The following ZNRF1 variants were observed in gnomAD, a reference collection of about 807,000 sequenced individuals.
The protein encoded by ZNRF1 is zinc and ring finger 1.
A neutral mutation model predicts 18.4 loss-of-function variants in ZNRF1; 3 were observed. That is an observed-to-expected ratio of 0.16 (90% CI 0.07 to 0.42). The LOEUF (loss-of-function observed/expected upper bound fraction) is 0.42, where lower values mean the gene tolerates loss of function less well. ZNRF1 is among the 10% of genes least tolerant of loss of function. The pLI, the probability that ZNRF1 is intolerant of heterozygous loss-of-function variation, is 0.99. For missense variants in ZNRF1, 310 were observed against 329.8 expected, an observed-to-expected ratio of 0.94 and a Z score of 0.47; for synonymous variants, 157 against 144.2, an observed-to-expected ratio of 1.09 and a Z score of -0.64.
intron 1 of ZNRF1, among the ~76,000 whole-genome samples, chr16:75,078,569 G>A (rs1393473367): frequency 6.6e-6 from 1 of 152,154 alleles, no homozygotes; most frequent in Non-Finnish European, 1.5e-5. Flanking sequence ...AAAGTGCTGG[G>A]ATTACAGGCG....
At chr16:75,076,990 T>C (rs1426983271) in intron 1 of ZNRF1, among the ~76,000 whole-genome samples, 1 of 152,066 alleles carries the variant, frequency 6.6e-6, no homozygotes, top group African/African-American at 2.4e-5. Context: ...AAATGTTTAT[T>C]GTTTAAGCCG....
chr16:75,081,419 G>T (rs1308868143), intron 1 of ZNRF1, among the ~76,000 whole-genome samples: 1 of 152,176 alleles, frequency 6.6e-6, no homozygotes, highest in African/African-American at 2.4e-5. Flanking sequence ...AGTGGTAACT[G>T]CCTGTTTTAC....
chr16:75,107,600 G>A (rs547070061), intron 4 of ZNRF1, 133 bp from the exon 5 acceptor site: 50 of 415,598 alleles, frequency 1.2e-4, no homozygotes, highest in South Asian at 5.7e-4. Context: ...CAAATTCCCC[G>A]TGTGCTGTTT....
At chr16:75,068,273 A>G in intron 1 of ZNRF1, among the ~76,000 whole-genome samples, 1 of 149,226 alleles carries the variant, frequency 6.7e-6, no homozygotes. Context: ...CTGAGATGGG[A>G]GGATTGCTTA....
chr16:75,100,533 A>G (rs2036244088), intron 2 of ZNRF1, among the ~76,000 whole-genome samples: 2 of 152,202 alleles, frequency 1.3e-5, no homozygotes. Context: ...GAGGGAGACC[A>G]CATGTGCCCT....
intron 1 of ZNRF1, among the ~76,000 whole-genome samples, chr16:75,065,739 A>G (rs1477345824): frequency 6.6e-6 from 1 of 152,154 alleles, no homozygotes; most frequent in Admixed American, 6.5e-5. Context: ...CTTCGTGTCT[A>G]TAACTTGCTT....
chr16:75,068,096 G>A (rs1317037278), intron 1 of ZNRF1, among the ~76,000 whole-genome samples: 1 of 149,124 alleles, frequency 6.7e-6, no homozygotes, highest in Non-Finnish European at 1.5e-5. Context: ...GCTCATGCCT[G>A]TAATCCAAGC....
chr16:75,022,868 G>A (rs1367534529), intron 1 of ZNRF1, among the ~76,000 whole-genome samples: 2 of 152,190 alleles, frequency 1.3e-5, no homozygotes, highest in Non-Finnish European at 2.9e-5. Context: ...GAGAGTCTAG[G>A]AGGTTCTCTT....
At chr16:75,047,813 C>G (rs915016935) in intron 1 of ZNRF1, among the ~76,000 whole-genome samples, 1 of 152,138 alleles carries the variant, frequency 6.6e-6, no homozygotes, top group Admixed American at 6.6e-5. Flanking sequence ...TCTCACAGTT[C>G]TAGAGGCATG....
chr16:75,081,574 A>G (rs764511157), intron 1 of ZNRF1, among the ~76,000 whole-genome samples: 1 of 152,232 alleles, frequency 6.6e-6, no homozygotes, highest in African/African-American at 2.4e-5. Flanking sequence ...CCCAAACGCT[A>G]GAAGTCCACA....
intron 1 of ZNRF1, among the ~76,000 whole-genome samples, chr16:75,080,374 T>C (rs1398647444): frequency 6.6e-6 from 1 of 152,142 alleles, no homozygotes; most frequent in African/African-American, 2.4e-5. Flanking sequence ...AGGCAAATGG[T>C]TTTATTCCAT....
intron 1 of ZNRF1, among the ~76,000 whole-genome samples, chr16:75,069,351 C>G (rs2035841945): frequency 1.3e-5 from 2 of 152,164 alleles, no homozygotes; most frequent in Admixed American, 6.5e-5. Flanking sequence ...ACTCTGTTCC[C>G]TTAAATGGTT....
At chr16:75,088,496 G>A (rs1284036971) in intron 1 of ZNRF1, among the ~76,000 whole-genome samples, 1 of 152,222 alleles carries the variant, frequency 6.6e-6, no homozygotes, top group African/African-American at 2.4e-5. Context: ...GGACTATGGG[G>A]CACTTAAGGA....
At chr16:75,060,401 G>A (rs2035726714) in intron 1 of ZNRF1, among the ~76,000 whole-genome samples, 2 of 151,012 alleles carry the variant, frequency 1.3e-5, no homozygotes, top group South Asian at 4.2e-4. Flanking sequence ...CAGGAGCAGG[G>A]AAATATATCC....
intron 1 of ZNRF1, among the ~76,000 whole-genome samples, chr16:75,047,487 G>A (rs2035530731): frequency 6.6e-6 from 1 of 152,208 alleles, no homozygotes; most frequent in Non-Finnish European, 1.5e-5. Context: ...CATAGCAAGG[G>A]GCAGTTAACT....
At chr16:75,022,580 AC>A (rs1028064710) in intron 1 of ZNRF1, among the ~76,000 whole-genome samples, 2 of 152,092 alleles carry the variant, frequency 1.3e-5, no homozygotes, top group African/African-American at 4.8e-5. Flanking sequence ...AAAAAACAAA[AC>A]AAAAAACACA....
chr16:75,065,430 T>A (rs1191684622), intron 1 of ZNRF1, among the ~76,000 whole-genome samples: 1 of 152,212 alleles, frequency 6.6e-6, no homozygotes, highest in South Asian at 2.1e-4. Context: ...TACACCTTTG[T>A]AGTAGCAGTG....
intron 1 of ZNRF1, among the ~76,000 whole-genome samples, chr16:75,068,537 G>C (rs1234800481): frequency 6.6e-6 from 1 of 152,018 alleles, no homozygotes; most frequent in Non-Finnish European, 1.5e-5. Context: ...TACTTGATTG[G>C]TTTTGCCTAT....
Position 75,093,590 on chromosome 16 carries a change from G to C in ZNRF1, c.443G>C (p.Cys148Ser), listed in dbSNP as rs1369067965. ...SSHSGFKCPI[C>S]SKSVASDEME... is the part of the protein sequence containing the mutation. ...CTTTCAGGTTTCAAGTGCCCCATTTGCTCCAAGTCTGTGGCTTCTGACGAG... is the reference window on the plus strand; with the variant it reads ...CTTTCAGGTTTCAAGTGCCCCATTTCCTCCAAGTCTGTGGCTTCTGACGAG... The change falls in exon 2 of 5, where the codon TGC (cysteine) becomes TCC (serine). Residue 148 changes from cysteine (C) to serine (S), a missense_variant. Transcript: ENST00000335325. 6.2e-7 allele frequency: 1 copy of C among 1,613,950 alleles called. No homozygotes were observed. Among genetic ancestry groups the C allele is most frequent in the South Asian group, 1.1e-5 (1 of 91,068 alleles).
Sources: allele counts gnomAD v4.1 joint callset (sites outside exome capture counted in the v4.1 genomes callset), GRCh38; gene constraint gnomAD v4.1.1; transcripts MANE v1.5; gene names NCBI Gene and HGNC (gene_info 2026-07-23, HGNC 2026-07-21).